Variants in CHODL observed in about 807,000 individuals in gnomAD.
CHODL encodes the protein transmembrane protein MT75.
Under a neutral mutation model 34.5 loss-of-function variants are expected in CHODL, and 29 were observed. That is an observed-to-expected ratio of 0.84 (90% CI 0.63 to 1.15). The LOEUF is 1.15. Ranked by LOEUF, CHODL falls within the 50% of genes most tolerant of loss-of-function variation. CHODL has a pLI of 0.00. For missense variants in CHODL, 332 were observed against 332.5 expected, an observed-to-expected ratio of 1.00 and a Z score of 0.01; for synonymous variants, 125 against 116.1, an observed-to-expected ratio of 1.08 and a Z score of -0.49.
chr21:18,059,401 C>G (rs1454517283), intron 2 of CHODL, among the ~76,000 whole-genome samples: 1 of 152,004 alleles, frequency 6.6e-6, no homozygotes, highest in Non-Finnish European at 1.5e-5. Flanking sequence ...ACCTGGTCAT[C>G]AAATGGGGCG....
At chr21:18,010,297 C>CAG (rs2064005268) in intron 1 of CHODL, among the ~76,000 whole-genome samples, 1 of 38,790 alleles carries the variant, frequency 2.6e-5, no homozygotes, top group African/African-American at 1.0e-4. Flanking sequence ...ACTCCCGTCT[C>CAG]AAAAAAAAAA....
chr21:18,035,390 C>T (rs903169201), intron 2 of CHODL, among the ~76,000 whole-genome samples: 26 of 151,898 alleles, frequency 1.7e-4, no homozygotes, highest in Non-Finnish European at 2.8e-4. Context: ...TTAAGACTTC[C>T]TCTTTATAAC....
intron 1 of CHODL, among the ~76,000 whole-genome samples, chr21:18,027,021 G>A (rs984349807): frequency 2.6e-5 from 4 of 152,076 alleles, no homozygotes; most frequent in African/African-American, 7.2e-5. Flanking sequence ...TCATGTCTGT[G>A]ATCCTAGTGC....
At chr21:17,948,981 C>G (rs966594403) in intron 1 of CHODL, among the ~76,000 whole-genome samples, 1 of 152,118 alleles carries the variant, frequency 6.6e-6, no homozygotes, top group Non-Finnish European at 1.5e-5. Context: ...TCATGGGATA[C>G]ATGTAACTAT....
At position 18,267,028 on chromosome 21, in the gene CHODL, C is replaced by T. The variant is rs2074471925; in HGVS notation, c.*990C>T. ...TAGTTGCAAAGTTAGTCTAAGGTTT[C>T]CCTAGCTGTATTTAGCCTCTGACTA... On this transcript the variant is annotated 3_prime_UTR_variant, in exon 6 of 6. Coordinates refer to ENST00000299295, the MANE Select transcript of CHODL (RefSeq NM_024944.3). The T allele has an allele frequency of 6.6e-6, 1 of 152,148 alleles. No homozygotes were observed. The highest frequency in any genetic ancestry group is 6.5e-5 in the Admixed American group (1 of 15,268). 9.4% of individuals were successfully genotyped at this position (152,148 alleles called of 1,614,324 possible). A position where few individuals can be genotyped will look rare whatever the true frequency, so the allele number is the denominator to read the frequency against.
At chr21:18,069,935 C>T (rs1251954406) in intron 2 of CHODL, among the ~76,000 whole-genome samples, 1 of 150,048 alleles carries the variant, frequency 6.7e-6, no homozygotes, top group Non-Finnish European at 1.5e-5. Flanking sequence ...TCCCTCTCTC[C>T]CTCCCTCACT....
chr21:17,942,507 A>G (rs1335776472), intron 1 of CHODL, among the ~76,000 whole-genome samples: 2 of 152,120 alleles, frequency 1.3e-5, no homozygotes, highest in African/African-American at 4.8e-5. Context: ...AGTCCATTAA[A>G]CTTCTTTCTT....
intron 2 of CHODL, among the ~76,000 whole-genome samples, chr21:18,163,006 T>C (rs2073114488): frequency 6.6e-6 from 1 of 152,218 alleles, no homozygotes; most frequent in African/African-American, 2.4e-5. Flanking sequence ...TATCTATGTG[T>C]CTATGTCTAC....
intron 2 of CHODL, among the ~76,000 whole-genome samples, chr21:18,187,979 A>T (rs1430127075): frequency 6.6e-6 from 1 of 152,124 alleles, no homozygotes; most frequent in South Asian, 2.1e-4. Flanking sequence ...CCAAACTCAG[A>T]TTAGTGAGTT....
intron 5 of CHODL, among the ~76,000 whole-genome samples, chr21:18,264,475 G>A (rs374389989): frequency 1.3e-4 from 19 of 151,922 alleles, no homozygotes; most frequent in Middle Eastern, 3.4e-3. Flanking sequence ...GGTGGCGGGC[G>A]CCGATAATCC....
chr21:17,994,335 G>C (rs1202701795), intron 1 of CHODL, among the ~76,000 whole-genome samples: 1 of 152,160 alleles, frequency 6.6e-6, no homozygotes, highest in Admixed American at 6.5e-5. Context: ...CTGGTGGTGT[G>C]TATGTCTTCA....
chr21:18,226,623 T>G (rs568679142), intron 2 of CHODL, among the ~76,000 whole-genome samples: 9 of 152,232 alleles, frequency 5.9e-5, no homozygotes, highest in African/African-American at 2.2e-4. Context: ...ATATACTAAG[T>G]AGAAAATACT....
chr21:18,260,820 AAACAACAAC>A (rs558969072), intron 4 of CHODL, among the ~76,000 whole-genome samples: 4 of 136,490 alleles, frequency 2.9e-5, no homozygotes, highest in Admixed American at 7.0e-5. Context: ...TCAAAAAAGC[AAACAACAAC>A]AACAACAACA....
intron 2 of CHODL, among the ~76,000 whole-genome samples, chr21:18,137,144 A>G (rs2072743600): frequency 1.3e-5 from 2 of 152,052 alleles, no homozygotes; most frequent in Non-Finnish European, 2.9e-5. Context: ...TGTAAAACCA[A>G]CACCCTCTTC....
In CHODL at chr21:18,127,905, G is replaced by A. The variant is rs186766136; in HGVS notation, c.-45+99934G>A. ...ACAGACCAACATAAACCTGATGGGA[G>A]TTCCTGAAGGAGAGGAGACAGAGAA... On this transcript the variant is annotated intron_variant, in intron 2 of 6. Transcript: ENST00000400127. 2.6e-3 allele frequency among the ~76,000 whole-genome samples: 401 copies of A among 151,978 alleles called. 9 individuals are homozygous for A. The highest frequency in any genetic ancestry group is 0.022 in the Admixed American group (335 of 15,266).
At position 17,921,904 on chromosome 21, in the gene CHODL, C is replaced by G. The variant is rs559262059; in HGVS notation, c.-145+4504C>G. ...TAGTAATAAGCATTTAGTGCTTTAC[C>G]AAATTATCTCAGTGAACACTCCAAA... On this transcript the variant is annotated intron_variant, in intron 1 of 6. Transcript: ENST00000400127. Among the ~76,000 whole-genome samples, 3 of 152,174 alleles carry G rather than the reference C, an allele frequency of 2.0e-5. No homozygotes were observed. The South Asian group carries it at 6.2e-4, about 32-fold the overall frequency.
At chr21:18,001,301 G>T (rs1465629037) in intron 1 of CHODL, among the ~76,000 whole-genome samples, 1 of 152,180 alleles carries the variant, frequency 6.6e-6, no homozygotes, top group Non-Finnish European at 1.5e-5. Context: ...TGAGAACAAG[G>T]GTCACCCATT....
At chr21:18,027,341 T>A (rs2064187184) in intron 1 of CHODL, among the ~76,000 whole-genome samples, 2 of 152,198 alleles carry the variant, frequency 1.3e-5, no homozygotes, top group African/African-American at 4.8e-5. Context: ...ATTAGTTTTT[T>A]AATAGCAATT....
At chr21:18,235,592 T>G (rs1260039313) in intron 2 of CHODL, among the ~76,000 whole-genome samples, 1 of 152,124 alleles carries the variant, frequency 6.6e-6, no homozygotes, top group East Asian at 1.9e-4. Flanking sequence ...TAAGAAGTAG[T>G]AGTCACCAAG....
Sources: gnomAD v4.1 joint callset for allele counts (sites outside exome capture counted in the v4.1 genomes callset) on GRCh38, gnomAD v4.1.1 for gene constraint, MANE v1.5 for transcripts, NCBI Gene and HGNC (gene_info 2026-07-23, HGNC 2026-07-21) for gene names.